The following ZNF131 variants were observed in gnomAD, a reference collection of about 807,000 sequenced individuals.
ZNF131 encodes the protein zinc finger protein 131.
In ZNF131, 7 loss-of-function variants were observed where a neutral mutation model predicts 60.0. That is an observed-to-expected ratio of 0.12 (90% confidence interval 0.07 to 0.22). ZNF131 has a LOEUF of 0.22. Among genes scored for constraint, ZNF131 ranks in the 10% least tolerant of loss-of-function variants. The pLI is 1.00. For synonymous variants in ZNF131, 257 were observed against 253.2 expected (o/e 1.01, Z -0.14); for missense variants, 493 against 740.9 (o/e 0.67, Z 3.88).
intron 4 of ZNF131, among the ~76,000 whole-genome samples, chr5:43,148,143 G>A (rs1483308518): frequency 1.3e-5 from 2 of 150,664 alleles, no homozygotes; most frequent in Middle Eastern, 3.3e-3. Flanking sequence ...AGGCTAAGGC[G>A]GGAGCATACC....
At chr5:43,144,953 T>G (rs1170118466) in intron 4 of ZNF131, among the ~76,000 whole-genome samples, 1 of 151,880 alleles carries the variant, frequency 6.6e-6, no homozygotes, top group African/African-American at 2.4e-5. Flanking sequence ...GCCAAGCAGA[T>G]TGACTTAGGC....
chr5:43,133,077 T>C (rs1362495959), intron 3 of ZNF131, among the ~76,000 whole-genome samples: 2 of 152,166 alleles, frequency 1.3e-5, no homozygotes, highest in Non-Finnish European at 2.9e-5. Flanking sequence ...GAACCAATAA[T>C]ATATAGCATT....
chr5:43,145,598 A>T (rs782977), intron 4 of ZNF131, among the ~76,000 whole-genome samples: 74 of 152,086 alleles, frequency 4.9e-4, no homozygotes, highest in African/African-American at 1.7e-3. Flanking sequence ...GGTTGCAGTA[A>T]GCCAAGATCG....
rs535927207 is a variant in ZNF131 at position 43,131,462 on chromosome 5, C to T, written c.227-7703C>T. On this transcript the variant is annotated intron_variant, in intron 3 of 6. Coordinates refer to ENST00000682664, the MANE Select transcript of ZNF131 (RefSeq NM_001330707.2). ...TGCTGGGATTATAGACGTGAGCCAC[C>T]GCGCCTGGCCCTTATCACATTTTTT... 3.9e-5 allele frequency among the ~76,000 whole-genome samples: 6 copies of T among 152,214 alleles called. No individual in the cohort carries two copies. The South Asian group carries it at 6.2e-4, about 16-fold the overall frequency.
chr5:43,129,585 A>G lies in ZNF131; in HGVS notation c.226+6275A>G, dbSNP rs1467610469. 6.6e-5 allele frequency among the ~76,000 whole-genome samples: 10 copies of G among 152,216 alleles called. No individual in the cohort carries two copies. In the East Asian group the frequency reaches 1.9e-3, roughly 29 times the overall value. Reference sequence around the variant, plus strand: ...ATGTTAGTATTCACTCTTAAGTGGGATAAAGATGACATAGCCCCATGTTAG... The same window carrying G: ...ATGTTAGTATTCACTCTTAAGTGGGGTAAAGATGACATAGCCCCATGTTAG... On this transcript the variant is annotated intron_variant, in intron 3 of 6. Transcript: ENST00000682664.
intron 3 of ZNF131, among the ~76,000 whole-genome samples, chr5:43,125,407 C>T (rs890629380): frequency 6.6e-6 from 1 of 151,778 alleles, no homozygotes; most frequent in Non-Finnish European, 1.5e-5. Flanking sequence ...GATCCACCCG[C>T]CTCTTCCTCC....
intron 4 of ZNF131, among the ~76,000 whole-genome samples, chr5:43,140,887 T>C (rs1746733650): frequency 6.6e-6 from 1 of 151,962 alleles, no homozygotes; most frequent in South Asian, 2.1e-4. Flanking sequence ...CCAGCAAATT[T>C]TCGTATTTTT....
intron 3 of ZNF131, among the ~76,000 whole-genome samples, chr5:43,138,558 A>C (rs1444558979): frequency 6.6e-6 from 1 of 152,176 alleles, no homozygotes; most frequent in African/African-American, 2.4e-5. Flanking sequence ...AGGTTGAGAC[A>C]GGAGAATCTC....
intron 3 of ZNF131, among the ~76,000 whole-genome samples, chr5:43,134,371 ATC>A (rs2112205856): frequency 6.6e-6 from 1 of 152,342 alleles, no homozygotes; most frequent in Non-Finnish European, 1.5e-5. Flanking sequence ...GAAGGAAATT[ATC>A]TCAACATAAT....
At chr5:43,131,237 A>G (rs1191280100) in intron 3 of ZNF131, among the ~76,000 whole-genome samples, 1 of 151,442 alleles carries the variant, frequency 6.6e-6, no homozygotes, top group African/African-American at 2.4e-5. Context: ...CAAAGGTGCA[A>G]TCTCGGCTCA....
At chr5:43,160,015 A>G (rs574479984) in intron 4 of ZNF131, among the ~76,000 whole-genome samples, 1 of 152,076 alleles carries the variant, frequency 6.6e-6, no homozygotes, top group East Asian at 1.9e-4. Flanking sequence ...TCTCTACTAA[A>G]AATACAAAAT....
chr5:43,173,291 C>T (rs1751222812), intron 5 of ZNF131, 27 bp from the exon 6 acceptor site: 2 of 1,496,568 alleles, frequency 1.3e-6, no homozygotes, highest in East Asian at 2.3e-5. Context: ...CTTAATTTGC[C>T]AACGTATCTT....
intron 5 of ZNF131, 23 bp from the exon 6 acceptor site, chr5:43,173,295 G>GT: frequency 6.6e-7 from 1 of 1,505,040 alleles, no homozygotes. Flanking sequence ...ATTTGCCAAC[G>GT]TATCTTTTTT....
chr5:43,134,092 A>G (rs1008404067), intron 3 of ZNF131, among the ~76,000 whole-genome samples: 24 of 152,194 alleles, frequency 1.6e-4, no homozygotes, highest in African/African-American at 5.5e-4. Flanking sequence ...CTATAGCCCA[A>G]TATCCTTGAT....
At position 43,173,846 on chromosome 5, in the gene ZNF131, A is replaced by G. The variant is rs1013739849; in HGVS notation, c.1185+398A>G. Among the ~76,000 whole-genome samples, 10 of 152,146 alleles carry G rather than the reference A, an allele frequency of 6.6e-5. No individual in the cohort carries two copies. The East Asian group carries it at 1.2e-3, about 18-fold the overall frequency. ...AATTACATTATTTGGTAAATGTTCT[A>G]TGTTATGGGAGAAACTAAAATATTG... On this transcript the variant is annotated intron_variant, in intron 6 of 6. Coordinates refer to ENST00000682664, the MANE Select transcript of ZNF131 (RefSeq NM_001330707.2).
In ZNF131 at chr5:43,123,249, T is replaced by C. The variant is rs769582169; in HGVS notation, c.165T>C (p.Cys55=). Residue 55 remains cysteine, a synonymous_variant, in exon 3 of 7, where the codon TGT becomes TGC. Coordinates refer to ENST00000682664, the MANE Select transcript of ZNF131 (RefSeq NM_001330707.2). The part of the protein sequence containing the change: ...FKAHKAVLAA[C]SKFFYKFFQE... Reference sequence around the variant, plus strand: ...CTCACAAGGCTGTTTTGGCTGCTTGTAGTAAGTTCTTCTACAAATTCTTTC... The same window carrying C: ...CTCACAAGGCTGTTTTGGCTGCTTGCAGTAAGTTCTTCTACAAATTCTTTC... The C allele has an allele frequency of 6.2e-7, 1 of 1,612,516 alleles. No homozygotes were observed. Among genetic ancestry groups the C allele is most frequent in the Non-Finnish European group, 8.5e-7 (1 of 1,179,614 alleles).
At chr5:43,146,533 T>C (rs924576873) in intron 4 of ZNF131, among the ~76,000 whole-genome samples, 2 of 151,946 alleles carry the variant, frequency 1.3e-5, no homozygotes, top group African/African-American at 4.8e-5. Flanking sequence ...AGGCAGAGCT[T>C]GCAGTGAGCC....
chr5:43,159,295 AC>A (rs1749342647), intron 4 of ZNF131, among the ~76,000 whole-genome samples: 1 of 152,184 alleles, frequency 6.6e-6, no homozygotes. Flanking sequence ...TTTTCAGTTC[AC>A]AAGATGTGAG....
chr5:43,174,306 G>A, intron 6 of ZNF131, 141 bp from the exon 7 acceptor site: 1 of 752,648 alleles, frequency 1.3e-6, no homozygotes, highest in Non-Finnish European at 2.0e-6. Flanking sequence ...AAATAGCTTG[G>A]ACGAGATTCT....
Sources: gnomAD v4.1 joint callset for allele counts (sites outside exome capture counted in the v4.1 genomes callset) on GRCh38, gnomAD v4.1.1 for gene constraint, MANE v1.5 for transcripts, NCBI Gene and HGNC (gene_info 2026-07-23, HGNC 2026-07-21) for gene names.